Variants in USP34 observed in about 807,000 individuals in gnomAD.
USP34 encodes the protein ubiquitin carboxyl-terminal hydrolase 34.
A neutral mutation model predicts 460.3 loss-of-function variants in USP34; 70 were observed. That is an observed-to-expected ratio of 0.15 (90% confidence interval 0.13 to 0.19). The LOEUF (loss-of-function observed/expected upper bound fraction) is 0.19. Among genes scored for constraint, USP34 ranks in the 10% least tolerant of loss-of-function variants. The probability of loss-of-function intolerance (pLI) is 1.00; values close to 1 mark genes in which losing one functional copy is unlikely to be tolerated. For synonymous variants in USP34, 1,647 were observed against 1,405.3 expected (o/e 1.17, Z -3.85); for missense variants, 3,985 against 4,236.2 (o/e 0.94, Z 1.65).
Position 61,188,365 on chromosome 2 carries a change from T to C in USP34, c.10378A>G (p.Thr3460Ala), listed in dbSNP as rs921589212. 3 of 1,613,732 alleles carry C rather than the reference T, an allele frequency of 1.9e-6. No homozygotes were observed. Among genetic ancestry groups the C allele is most frequent in the Admixed American group, 1.7e-5 (1 of 60,004 alleles). The change falls in exon 80 of 80, where the codon ACC becomes GCC. Residue 3460 changes from threonine to alanine, a missense_variant. Physicochemically the swap from Thr to Ala is moderately conservative, Grantham distance 58. Transcript: ENST00000398571. Reference protein sequence around the residue: ...FKDLHCSKDSTLAEEESEFPS... With the variant: ...FKDLHCSKDSALAEEESEFPS... ...AACTCAGATTCTTCCTCAGCTAGGG[T>C]AGAATCCTTGGAACAGTGGAGGTCT...
chr2:61,448,392 T>C (rs993216304), intron 1 of USP34, among the ~76,000 whole-genome samples: 5 of 152,028 alleles, frequency 3.3e-5, no homozygotes, highest in South Asian at 4.2e-4. Context: ...TTCAAGTCTG[T>C]AGTAAGCTGA....
chr2:61,349,117 T>A, intron 13 of USP34, 133 bp downstream of exon 13: 1 of 1,161,278 alleles, frequency 8.6e-7, no homozygotes, highest in African/African-American at 1.6e-5. Flanking sequence ...CACGAATATG[T>A]TAAAGGTTTA....
intron 23 of USP34, among the ~76,000 whole-genome samples, chr2:61,315,942 C>T (rs1461339272): frequency 6.6e-6 from 1 of 151,648 alleles, no homozygotes; most frequent in African/African-American, 2.4e-5. Context: ...GCTCACGCCT[C>T]TAATTGCAGC....
chr2:61,302,123 CA>C (rs1482368469), intron 27 of USP34, among the ~76,000 whole-genome samples: 5 of 151,968 alleles, frequency 3.3e-5, no homozygotes, highest in African/African-American at 1.2e-4. Flanking sequence ...GTATAATGTA[CA>C]ACTTTTTCGG....
intron 1 of USP34, among the ~76,000 whole-genome samples, chr2:61,430,063 A>T (rs1420001899): frequency 6.6e-6 from 1 of 152,106 alleles, no homozygotes; most frequent in African/African-American, 2.4e-5. Context: ...AAAATACAAA[A>T]AATTAGCCGC....
rs564577507 is a variant in USP34 at position 61,206,898 on chromosome 2, T to G, written c.8920-12A>C. 3.7e-6 allele frequency: 6 copies of G among 1,605,844 alleles called. No homozygotes were observed. The Admixed American group carries it at 1.0e-4, about 28-fold the overall frequency. ...AAAGTGTTGAAAGACTACAAATGAT[T>G]TGAAAAAATTGAAAACTTAATTTCA... On this transcript the variant is annotated splice_polypyrimidine_tract_variant and intron_variant, in intron 70 of 79. Transcript: ENST00000398571.
At chr2:61,339,815 C>G (rs1691532332) in intron 16 of USP34, 134 bp from the exon 17 acceptor site, 2 of 446,404 alleles carry the variant, frequency 4.5e-6, no homozygotes, top group Admixed American at 9.3e-5. Context: ...CACATTAGCA[C>G]AATATTTTGT....
At chr2:61,204,167 T>A in intron 74 of USP34, 89 bp downstream of exon 74, 1 of 1,546,500 alleles carries the variant, frequency 6.5e-7, no homozygotes, top group Non-Finnish European at 8.8e-7. Context: ...ATTGGTCACT[T>A]AAGTCTAACC....
At chr2:61,427,282 C>A (rs1316294462) in intron 1 of USP34, among the ~76,000 whole-genome samples, 1 of 152,238 alleles carries the variant, frequency 6.6e-6, no homozygotes, top group Non-Finnish European at 1.5e-5. Flanking sequence ...CCCGCCTTGG[C>A]CTCCCAAAGT....
At chr2:61,402,246 C>T (rs1317858695) in intron 3 of USP34, among the ~76,000 whole-genome samples, 1 of 152,134 alleles carries the variant, frequency 6.6e-6, no homozygotes, top group Non-Finnish European at 1.5e-5. Flanking sequence ...CACCACCGCA[C>T]TCCAGCCTGG....
At chr2:61,443,579 G>A (rs1695028508) in intron 1 of USP34, among the ~76,000 whole-genome samples, 2 of 151,916 alleles carry the variant, frequency 1.3e-5, no homozygotes, top group South Asian at 4.1e-4. Flanking sequence ...ATCTTAACTG[G>A]CAACATACTG....
At chr2:61,426,511 GAA>G (rs979062711) in intron 1 of USP34, among the ~76,000 whole-genome samples, 1 of 152,064 alleles carries the variant, frequency 6.6e-6, no homozygotes, top group Admixed American at 6.5e-5. Flanking sequence ...GTGGAAATGG[GAA>G]AAAGAGTGAG....
rs573671818 is a variant in USP34, at chr2:61,347,956, A to G, written c.2199T>C (p.Thr733=). Residue 733 remains threonine (T), a synonymous_variant, in exon 15 of 80, where the codon ACT becomes ACC. Transcript: ENST00000398571. Reference sequence around the variant, plus strand: ...GACAATTAAATAATTCATTCCCAATAGTCTCCCCAAGGAAGTCCCCAGTTC... The same window carrying G: ...GACAATTAAATAATTCATTCCCAATGGTCTCCCCAAGGAAGTCCCCAGTTC... ...ITRTGDFLGE[T]IGNELFNCRQ... 3.8e-5 allele frequency: 62 copies of G among 1,614,102 alleles called. No homozygotes were observed. In the South Asian group the frequency reaches 6.6e-4, roughly 17 times the overall value.
chr2:61,335,155 T>A (rs1244278516), intron 18 of USP34, among the ~76,000 whole-genome samples: 1 of 152,204 alleles, frequency 6.6e-6, no homozygotes, highest in African/African-American at 2.4e-5. Flanking sequence ...CTGGTGATAA[T>A]AATTTATGTT....
intron 47 of USP34, 136 bp downstream of exon 47, chr2:61,256,737 A>T (rs959450496): frequency 1.0e-5 from 7 of 691,642 alleles, no homozygotes; most frequent in Middle Eastern, 4.2e-4. Flanking sequence ...TTTAACTCTT[A>T]TTTGAATAGT....
chr2:61,326,697 G>T (rs1026077632), intron 20 of USP34, among the ~76,000 whole-genome samples: 1 of 151,494 alleles, frequency 6.6e-6, no homozygotes, highest in East Asian at 1.9e-4. Flanking sequence ...TGGATCAACT[G>T]CCCAAACTGC....
Position 61,188,674 on chromosome 2 carries a change from C to T in USP34, c.10069G>A (p.Val3357Ile). 6.2e-7 allele frequency: 1 copy of T among 1,613,978 alleles called. No homozygotes were observed. The highest frequency in any genetic ancestry group is 1.1e-5 in the South Asian group (1 of 91,018). ...ACAGTGTGCTCCTCATCACTGCTAA[C>T]ACGCCGCCTTTTAATGGGAGTTGCT... ...EGATPIKRRR[V>I]SSDEEHTVDS... is the part of the protein sequence containing the mutation. Residue 3357 changes from valine to isoleucine, a missense_variant, in exon 80 of 80, where the codon GTT becomes ATT. Physicochemically the swap from Val to Ile is conservative, Grantham distance 29. Transcript: ENST00000398571.
In USP34 at chr2:61,470,696, T is replaced by A; in HGVS notation, c.-4A>T. 1 of 1,590,118 alleles carries A rather than the reference T, an allele frequency of 6.3e-7. No homozygotes were observed. The highest frequency in any genetic ancestry group is 8.6e-7 in the Non-Finnish European group (1 of 1,168,608). On this transcript the variant is annotated 5_prime_UTR_variant, in exon 1 of 80. Transcript: ENST00000398571. ...GGTCTGCGCAGTTCTCGCACATCGT[T>A]CGGCCGCCGCCCCCCCCCTCCCCCG...
In USP34 at chr2:61,350,702, T is replaced by C. The variant is rs570749337; in HGVS notation, c.1252-9A>G. ...CGACTACAATGTTTCAACTAGAAAA[T>C]CAAGTTAGAGAGAATGGTCAAAAAT... On this transcript the variant is annotated splice_polypyrimidine_tract_variant and intron_variant, in intron 10 of 79. Coordinates refer to ENST00000398571, the MANE Select transcript of USP34 (RefSeq NM_014709.4). The C allele has an allele frequency of 2.5e-6, 4 of 1,605,480 alleles. No homozygotes were observed. The highest frequency in any genetic ancestry group is 3.4e-6 in the Non-Finnish European group (4 of 1,177,612).
Sources: gnomAD v4.1 joint callset for allele counts (sites outside exome capture counted in the v4.1 genomes callset) on GRCh38, gnomAD v4.1.1 for gene constraint, MANE v1.5 for transcripts, NCBI Gene and HGNC (gene_info 2026-07-23, HGNC 2026-07-21) for gene names.